RAD9B: variants seen among roughly 807,000 people sequenced by gnomAD.
RAD9B encodes the protein cell cycle checkpoint control protein RAD9B.
RAD9B carries 41 observed loss-of-function variants against 48.3 expected under a neutral mutation model. The ratio of observed to expected loss-of-function variants is 0.85; its 90% CI spans 0.66 to 1.10. The LOEUF is 1.10. Ranked by LOEUF, RAD9B falls within the 50% of genes least tolerant of loss-of-function variation. The probability of loss-of-function intolerance (pLI) is 0.00; values close to 1 mark genes in which losing one functional copy is unlikely to be tolerated. For synonymous variants in RAD9B, 160 were observed against 157.9 expected (o/e 1.01, Z -0.10); for missense variants, 444 against 485.1 (o/e 0.92, Z 0.80).
In RAD9B at chr12:110,529,886, A is replaced by T. The variant is rs551899366; in HGVS notation, c.1126-639A>T. On this transcript the variant is annotated intron_variant, in intron 10 of 10. Transcript: ENST00000409300. ...GCCGTAGCAGGAGGGGAAGGGAAGA[A>T]GATGGATTAATTAATCCAGTGGCTT... 7.9e-5 allele frequency among the ~76,000 whole-genome samples: 12 copies of T among 152,306 alleles called. No homozygotes were observed. In the East Asian group the frequency reaches 1.7e-3, roughly 22 times the overall value.
intron 1 of RAD9B, 145 bp from the exon 2 acceptor site, chr12:110,503,661 T>C (rs2063168520): frequency 3.1e-6 from 2 of 638,804 alleles, no homozygotes; most frequent in Non-Finnish European, 5.6e-6. Context: ...GGTATTATAC[T>C]GTATTAAAGT....
intron 5 of RAD9B, 134 bp downstream of exon 5, chr12:110,513,012 C>G: frequency 3.5e-6 from 2 of 571,120 alleles, no homozygotes; most frequent in Non-Finnish European, 6.1e-6. Context: ...GTCGCCCAGG[C>G]TGGAGTGCAG....
chr12:110,528,545 G>C (rs531643951), intron 10 of RAD9B, among the ~76,000 whole-genome samples: 1 of 152,360 alleles, frequency 6.6e-6, no homozygotes, highest in Admixed American at 6.5e-5. Context: ...CCCAAGTTCA[G>C]AGGCTGCTTA....
chr12:110,510,947 C>T (rs2063439139), intron 4 of RAD9B, among the ~76,000 whole-genome samples: 1 of 148,690 alleles, frequency 6.7e-6, no homozygotes, highest in Admixed American at 6.7e-5. Flanking sequence ...GGTTGAGACC[C>T]TGTCAAAAAA....
At chr12:110,523,571 G>C (rs914420067) in intron 10 of RAD9B, among the ~76,000 whole-genome samples, 5 of 152,144 alleles carry the variant, frequency 3.3e-5, no homozygotes, top group Admixed American at 1.3e-4. Flanking sequence ...TTCTCTTCCT[G>C]TATGTTACTA....
intron 10 of RAD9B, among the ~76,000 whole-genome samples, chr12:110,529,632 T>TA (rs1417183997): frequency 6.6e-6 from 1 of 151,482 alleles, no homozygotes; most frequent in African/African-American, 2.4e-5. Flanking sequence ...TACCTGTAGT[T>TA]ACAGCTACTC....
intron 6 of RAD9B, among the ~76,000 whole-genome samples, chr12:110,515,402 T>C (rs1403035652): frequency 6.6e-6 from 1 of 152,252 alleles, no homozygotes; most frequent in East Asian, 1.9e-4. Context: ...GGCTCACGCC[T>C]GTAATCCCAG....
chr12:110,526,381 G>C (rs1248676614), intron 10 of RAD9B, among the ~76,000 whole-genome samples: 2 of 152,164 alleles, frequency 1.3e-5, no homozygotes, highest in Admixed American at 1.3e-4. Flanking sequence ...TGAAGGTGGG[G>C]ACAAGGGAGG....
rs573468586 is a variant in RAD9B, at chr12:110,519,409, T to TTTTTTG, written c.768-383_768-382insTTTGTT. Among the ~76,000 whole-genome samples the TTTTTTG allele has an allele frequency of 8.3e-3, 971 of 116,782 alleles. 1 individual carries two copies. The highest frequency in any genetic ancestry group is 0.01 in the Non-Finnish European group (588 of 56,706). The allele number at this position is 116,782 out of a possible 152,430, so 76.6% of individuals were successfully genotyped here. ...GTGAGCCATAGCACCCGGCCTACTG[T>TTTTTTG]TTGTTGTTGTTGTTGTTGTTGTTGT... is the stretch of plus-strand genomic sequence containing the variant. On this transcript the variant is annotated intron_variant, in intron 8 of 10. Coordinates refer to ENST00000409300, the MANE Select transcript of RAD9B (RefSeq NM_001286535.2).
intron 2 of RAD9B, among the ~76,000 whole-genome samples, chr12:110,505,316 C>T (rs1024826010): frequency 6.6e-6 from 1 of 152,040 alleles, no homozygotes; most frequent in African/African-American, 2.4e-5. Context: ...AAATTCAATA[C>T]AGACTATATA....
rs1420136289 is a variant in RAD9B at position 110,532,926 on chromosome 12, GA to G, written c.*2275del. ...GAAATTGCTAAGGATGCATCTGTCA[GA>G]ACATCTCTGTTAAACAACACGACTG... is the stretch of plus-strand genomic sequence containing the variant. On this transcript the variant is annotated 3_prime_UTR_variant, in exon 11 of 11. Transcript: ENST00000409300. 6.6e-6 allele frequency among the ~76,000 whole-genome samples: 1 copy of G among 152,196 alleles called. No homozygotes were observed. Among genetic ancestry groups the G allele is most frequent in the Non-Finnish European group, 1.5e-5 (1 of 68,038 alleles).
chr12:110,506,727 GT>G, intron 4 of RAD9B, 34 bp downstream of exon 4: 1 of 1,002,526 alleles, frequency 1.0e-6, no homozygotes, highest in Non-Finnish European at 1.5e-6. Context: ...AAAATACTAT[GT>G]TTTTTTCTCA....
chr12:110,526,120 G>A (rs1461910585), intron 10 of RAD9B, among the ~76,000 whole-genome samples: 1 of 152,196 alleles, frequency 6.6e-6, no homozygotes, highest in Non-Finnish European at 1.5e-5. Context: ...ACAGGCATGA[G>A]CCACCCCGCC....
chr12:110,525,469 T>C (rs564130880), intron 10 of RAD9B, among the ~76,000 whole-genome samples: 6 of 152,180 alleles, frequency 3.9e-5, no homozygotes, highest in South Asian at 2.1e-4. Flanking sequence ...TGTCCTAACT[T>C]TGGGTTTTTT....
At position 110,518,765 on chromosome 12, in the gene RAD9B, T is replaced by C. The variant is rs1218990166; in HGVS notation, c.685T>C (p.Cys229Arg). 1 of 1,603,862 alleles carries C rather than the reference T, an allele frequency of 6.2e-7. No homozygotes were observed. Among genetic ancestry groups the C allele is most frequent in the East Asian group, 2.2e-5 (1 of 44,766 alleles). The stretch of plus-strand genomic sequence containing the variant: ...TGGAATGGACACTGAGATAACATTT[T>C]GTTTCAAAGAATTGAAGGTAAATAA... ...QIGMDTEITF[C>R]FKELKGILTF... is the part of the protein sequence containing the mutation. Residue 229 changes from cysteine to arginine, a missense_variant, in exon 7 of 11, where the codon TGT becomes CGT. Transcript: ENST00000409300.
In RAD9B at chr12:110,519,597, A is replaced by AT. The variant is rs796781912; in HGVS notation, c.768-187dup. On this transcript the variant is annotated intron_variant, in intron 8 of 10. Transcript: ENST00000409300. ...AGGCATGCACCATCATGCCCGGCTA[A>AT]TTTTTTTTTTGTATTTTTAGTAGAG... is the stretch of plus-strand genomic sequence containing the variant. Among the ~76,000 whole-genome samples the AT allele has an allele frequency of 7.1e-3, 1,050 of 147,646 alleles. 2 individuals carry two copies. The highest frequency in any genetic ancestry group is 9.5e-3 in the Non-Finnish European group (636 of 66,702).
rs750274844 is a variant in RAD9B, at chr12:110,506,685, A to G, written c.380A>G (p.Tyr127Cys). 8.2e-6 allele frequency: 12 copies of G among 1,470,960 alleles called. No individual in the cohort carries two copies. The highest frequency in any genetic ancestry group is 8.6e-6 in the Non-Finnish European group (9 of 1,051,206). 91.1% of individuals were successfully genotyped at this position (1,470,960 alleles called of 1,614,324 possible). A position where few individuals can be genotyped will look rare whatever the true frequency, so the allele number is the denominator to read the frequency against. ...TGCAAAGTAGTTATTCAATTCTTCT[A>G]CAGACATGGTAGGTATAATTAAAAG... is the stretch of plus-strand genomic sequence containing the variant. ...DKCKVVIQFF[Y>C]RHGIKRTHNI... Residue 127 changes from tyrosine to cysteine, a missense_variant, in exon 4 of 11, where the codon TAC (tyrosine) becomes TGC (cysteine). Transcript: ENST00000409300.
chr12:110,533,447 A>C lies in RAD9B; in HGVS notation c.*2794A>C, dbSNP rs988072659. 6.6e-6 allele frequency: 1 copy of C among 152,218 alleles called. No individual in the cohort carries two copies. The highest frequency in any genetic ancestry group is 1.5e-5 in the Non-Finnish European group (1 of 68,038). 9.4% of individuals were successfully genotyped at this position (152,218 alleles called of 1,614,324 possible). A position where few individuals can be genotyped will look rare whatever the true frequency, so the allele number is the denominator to read the frequency against. On this transcript the variant is annotated 3_prime_UTR_variant, in exon 11 of 11. Coordinates refer to ENST00000409300, the MANE Select transcript of RAD9B (RefSeq NM_001286535.2). ...TTCTAATTTGCTTCATTATTTAGCCATCTTTGCCACAAACTACCTGCTAAC... is the reference window on the plus strand; with the variant it reads ...TTCTAATTTGCTTCATTATTTAGCCCTCTTTGCCACAAACTACCTGCTAAC...
intron 4 of RAD9B, among the ~76,000 whole-genome samples, chr12:110,507,592 A>G (rs1395647737): frequency 6.9e-6 from 1 of 145,910 alleles, no homozygotes; most frequent in Non-Finnish European, 1.5e-5. Flanking sequence ...TATATACATA[A>G]TACATATTAT....
Sources: allele counts gnomAD v4.1 joint callset (sites outside exome capture counted in the v4.1 genomes callset), GRCh38; gene constraint gnomAD v4.1.1; transcripts MANE v1.5; gene names NCBI Gene and HGNC (gene_info 2026-07-23, HGNC 2026-07-21).